Variants in EPHA6 observed in about 807,000 individuals in gnomAD.
The protein encoded by EPHA6 is ephrin type-A receptor 6.
EPHA6 carries 50 observed loss-of-function variants against 112.0 expected under a neutral mutation model. The observed-to-expected ratio is 0.45, with a 90% confidence interval of 0.36 to 0.56. EPHA6 has a LOEUF of 0.56. Ranked by LOEUF, EPHA6 falls within the 20% of genes least tolerant of loss-of-function variation. The pLI is 0.00. For missense variants in EPHA6, 1,280 were observed against 1,417.4 expected (o/e 0.90, Z 1.56); for synonymous variants, 529 against 490.7 (o/e 1.08, Z -1.03).
In EPHA6 at chr3:97,038,908, G is replaced by A. The variant is rs559351596; in HGVS notation, c.1114+50915G>A. 9.9e-4 allele frequency among the ~76,000 whole-genome samples: 151 copies of A among 152,084 alleles called. 3 individuals carry two copies. The highest frequency in any genetic ancestry group is 9.6e-4 in the Non-Finnish European group (65 of 67,952). On this transcript the variant is annotated intron_variant, in intron 3 of 17. Coordinates refer to ENST00000389672, the MANE Select transcript of EPHA6 (RefSeq NM_001080448.3). ...TTCAGAGTTTTTTCACTTTTCTGTAGCCCCAGGAACTCTCTTCTTCAAATT... is the reference window on the plus strand; with the variant it reads ...TTCAGAGTTTTTTCACTTTTCTGTAACCCCAGGAACTCTCTTCTTCAAATT...
At chr3:97,243,894 A>T (rs970608101) in intron 4 of EPHA6, 58 bp from the exon 5 acceptor site, 10 of 1,273,686 alleles carry the variant, frequency 7.9e-6, no homozygotes, top group Non-Finnish European at 1.1e-5. Context: ...TTTTCATTTT[A>T]GCGCCATAAT....
chr3:97,025,099 T>A (rs114551590), intron 3 of EPHA6, among the ~76,000 whole-genome samples: 1,869 of 152,314 alleles, frequency 0.012, 37 homozygotes, highest in African/African-American at 0.04. Flanking sequence ...CAGGGCAAGC[T>A]GTTCAAGCAC....
At chr3:97,524,595 T>C (rs1360717075) in intron 10 of EPHA6, among the ~76,000 whole-genome samples, 1 of 152,126 alleles carries the variant, frequency 6.6e-6, no homozygotes, top group African/African-American at 2.4e-5. Flanking sequence ...TATGTTTTTA[T>C]ATTTTACTTA....
At chr3:96,945,461 A>T (rs896106583) in intron 2 of EPHA6, among the ~76,000 whole-genome samples, 8 of 152,218 alleles carry the variant, frequency 5.3e-5, no homozygotes, top group African/African-American at 1.9e-4. Flanking sequence ...CATTCGAGTT[A>T]TAATTGATTA....
At chr3:97,089,337 CTTTT>C (rs531963551) in intron 3 of EPHA6, among the ~76,000 whole-genome samples, 1 of 151,938 alleles carries the variant, frequency 6.6e-6, no homozygotes, top group African/African-American at 2.4e-5. Context: ...TCACAGTTTG[CTTTT>C]TTAACATTTG....
intron 3 of EPHA6, among the ~76,000 whole-genome samples, chr3:97,078,646 T>C (rs898908184): frequency 2.0e-5 from 3 of 152,224 alleles, no homozygotes; most frequent in Non-Finnish European, 2.9e-5. Context: ...AGTTATTAAA[T>C]AGGGAATCCT....
intron 2 of EPHA6, among the ~76,000 whole-genome samples, chr3:96,906,383 T>G (rs796614167): frequency 7.4e-4 from 112 of 152,202 alleles, no homozygotes; most frequent in African/African-American, 2.5e-3. Context: ...TTGTCTTCCC[T>G]GGTTCTCAAT....
intron 16 of EPHA6, among the ~76,000 whole-genome samples, chr3:97,737,655 G>T (rs2035325165): frequency 6.6e-6 from 1 of 152,034 alleles, no homozygotes; most frequent in South Asian, 2.1e-4. Context: ...ATGCTGAGTT[G>T]CAGATGCCTG....
chr3:97,568,210 T>C (rs1456294338), intron 11 of EPHA6, among the ~76,000 whole-genome samples: 5 of 152,130 alleles, frequency 3.3e-5, no homozygotes. Flanking sequence ...ATGCAAAAAA[T>C]TTAAAAAATA....
chr3:97,151,008 A>G (rs1385200557), intron 3 of EPHA6, among the ~76,000 whole-genome samples: 2 of 152,162 alleles, frequency 1.3e-5, no homozygotes, highest in Non-Finnish European at 2.9e-5. Flanking sequence ...ATGGTGAAGA[A>G]GTTAGTCATG....
Position 97,436,398 on chromosome 3 carries a change from T to TA in EPHA6, c.1732-12162dup, listed in dbSNP as rs1258216969. ...CACAATTAAGGCTCACAAACAAATATAAAAAAAATTTAAAGTTCCACCACG... is the reference window on the plus strand; with the variant it reads ...CACAATTAAGGCTCACAAACAAATATAAAAAAAAATTTAAAGTTCCACCACG... On this transcript the variant is annotated intron_variant, in intron 6 of 17. Coordinates refer to ENST00000389672, the MANE Select transcript of EPHA6 (RefSeq NM_001080448.3). Among the ~76,000 whole-genome samples the TA allele has an allele frequency of 5.9e-5, 9 of 151,954 alleles. No individual in the cohort carries two copies. In the East Asian group the frequency reaches 9.7e-4, roughly 16 times the overall value.
intron 2 of EPHA6, among the ~76,000 whole-genome samples, chr3:96,904,789 A>T (rs569701494): frequency 1.3e-5 from 2 of 152,110 alleles, no homozygotes; most frequent in Admixed American, 1.3e-4. Flanking sequence ...GACAATGGTA[A>T]TATTTCTAAA....
chr3:97,137,054 T>G (rs1287216307), intron 3 of EPHA6, among the ~76,000 whole-genome samples: 2 of 152,092 alleles, frequency 1.3e-5, no homozygotes, highest in Non-Finnish European at 2.9e-5. Flanking sequence ...GATTATAAGA[T>G]CCTTTAATAT....
chr3:97,495,696 TA>T (rs2091958915), intron 10 of EPHA6, among the ~76,000 whole-genome samples: 1 of 152,160 alleles, frequency 6.6e-6, no homozygotes, highest in Non-Finnish European at 1.5e-5. Flanking sequence ...TGTGTACTCT[TA>T]TCATAAGAGC....
intron 3 of EPHA6, among the ~76,000 whole-genome samples, chr3:97,095,166 A>G (rs2047197736): frequency 6.6e-6 from 1 of 152,078 alleles, no homozygotes. Context: ...GAAGCGTAAT[A>G]TTGTTAAAAA....
At chr3:97,534,586 T>C (rs2092737900) in intron 11 of EPHA6, among the ~76,000 whole-genome samples, 1 of 151,346 alleles carries the variant, frequency 6.6e-6, no homozygotes, top group African/African-American at 2.4e-5. Context: ...CCTTTCAGAA[T>C]AGGAAAAAAA....
intron 5 of EPHA6, among the ~76,000 whole-genome samples, chr3:97,399,075 T>C (rs2086843975): frequency 6.6e-6 from 1 of 151,540 alleles, no homozygotes; most frequent in Non-Finnish European, 1.5e-5. Flanking sequence ...CATTTGGTAT[T>C]GTTTAGCTAA....
At chr3:97,161,630 C>T (rs547298355) in intron 3 of EPHA6, among the ~76,000 whole-genome samples, 25 of 152,052 alleles carry the variant, frequency 1.6e-4, no homozygotes, top group African/African-American at 3.9e-4. Context: ...TTTTTCCTGG[C>T]GGCAGGAGAG....
In EPHA6 at chr3:97,755,020, A is replaced by G. The variant is rs1279859077; in HGVS notation, c.*6319A>G. On this transcript the variant is annotated 3_prime_UTR_variant, in exon 18 of 18. Coordinates refer to ENST00000389672, the MANE Select transcript of EPHA6 (RefSeq NM_001080448.3). Reference sequence around the variant, plus strand: ...GCCCGGCCACAAAGTTTTCTTTTAAACAAAACATGGAAAAGTTCTTGCTTG... The same window carrying G: ...GCCCGGCCACAAAGTTTTCTTTTAAGCAAAACATGGAAAAGTTCTTGCTTG... 6.6e-6 allele frequency among the ~76,000 whole-genome samples: 1 copy of G among 152,240 alleles called. No individual in the cohort carries two copies. The highest frequency in any genetic ancestry group is 1.5e-5 in the Non-Finnish European group (1 of 68,030).
Sources: gnomAD v4.1 joint callset for allele counts (sites outside exome capture counted in the v4.1 genomes callset) on GRCh38, gnomAD v4.1.1 for gene constraint, MANE v1.5 for transcripts, NCBI Gene and HGNC (gene_info 2026-07-23, HGNC 2026-07-21) for gene names.